The following IGSF9B variants were observed in gnomAD, a reference collection of about 807,000 sequenced individuals.
IGSF9B encodes the protein immunoglobulin superfamily member 9B.
A neutral mutation model predicts 143.7 loss-of-function variants in IGSF9B; 48 were observed. That is an observed-to-expected ratio of 0.33 (90% CI 0.26 to 0.42). The LOEUF is 0.42. Among genes scored for constraint, IGSF9B ranks in the 20% least tolerant of loss-of-function variants. The pLI is 1.00. For synonymous variants in IGSF9B, 903 were observed against 833.1 expected (o/e 1.08, Z -1.44); for missense variants, 1,706 against 1,980.0 (o/e 0.86, Z 2.63).
intron 3 of IGSF9B, among the ~76,000 whole-genome samples, chr11:133,938,957 T>C (rs534077002): frequency 6.6e-6 from 1 of 152,330 alleles, no homozygotes; most frequent in Non-Finnish European, 1.5e-5. Context: ...CAGTTGCCAG[T>C]ACCACCGCCA....
chr11:133,944,470 T>C (rs1202383458), intron 2 of IGSF9B, 104 bp from the exon 3 acceptor site: 5 of 1,198,848 alleles, frequency 4.2e-6, no homozygotes, highest in African/African-American at 3.0e-5. Context: ...ATAATCTTCA[T>C]ACCATTCCCT....
chr11:133,932,274 C>A, intron 7 of IGSF9B, 61 bp from the exon 8 acceptor site: 3 of 1,494,490 alleles, frequency 2.0e-6, no homozygotes, highest in Non-Finnish European at 2.7e-6. Flanking sequence ...GACAGACAGA[C>A]ACAGGGACAG....
At position 133,920,451 on chromosome 11, in the gene IGSF9B, G is replaced by A; in HGVS notation, c.3274C>T (p.Pro1092Ser). The A allele has an allele frequency of 6.4e-7, 1 of 1,566,208 alleles. No individual in the cohort carries two copies. The highest frequency in any genetic ancestry group is 1.8e-5 in the Admixed American group (1 of 54,510). ...GGTGCCTCCAGAGACAGGATGCCCG[G>A]GTAGGCCGCGGGCACCTGCAGGGAG... ...PTSLQVPAAYPGILSLEAPKG... is the reference protein window; with the variant it reads ...PTSLQVPAAYSGILSLEAPKG... The change falls in exon 18 of 20, where the codon CCG (proline) becomes TCG (serine). Residue 1092 changes from proline (P) to serine (S), a missense_variant. This residue lies in a region of IGSF9B where 880 missense variants were observed against 762.9 expected (regional missense o/e 1.15). Coordinates refer to ENST00000533871, the MANE Select transcript of IGSF9B (RefSeq NM_001277285.4).
In IGSF9B at chr11:133,908,923, A is replaced by T; in HGVS notation, c.*146T>A. 1.5e-6 allele frequency: 1 copy of T among 678,626 alleles called. No individual in the cohort carries two copies. The highest frequency in any genetic ancestry group is 2.5e-6 in the Non-Finnish European group (1 of 405,242). The allele number at this position is 678,626 out of a possible 1,614,324, so 42.0% of individuals were successfully genotyped here. A position where few individuals can be genotyped will look rare whatever the true frequency, so the allele number is the denominator to read the frequency against. ...AGACAGGCGGCCAGGATCTGGAGGG[A>T]GACACCCGCTCTGGCAAAAGAGGGG... On this transcript the variant is annotated 3_prime_UTR_variant, in exon 20 of 20. Transcript: ENST00000533871.
At chr11:133,936,011 T>C in intron 6 of IGSF9B, 42 bp downstream of exon 6, 1 of 1,603,458 alleles carries the variant, frequency 6.2e-7, no homozygotes, top group Non-Finnish European at 8.5e-7. Context: ...CCGTGGGGGC[T>C]GGGGTGGCAA....
At chr11:133,910,847 AAATGGGTTAAC>A (rs1368143513) in intron 19 of IGSF9B, among the ~76,000 whole-genome samples, 100 of 152,326 alleles carry the variant, frequency 6.6e-4, no homozygotes, top group African/African-American at 2.3e-3. Flanking sequence ...GATGGGTCTT[AAATGGGTTAAC>A]AATGGGCTTA....
In IGSF9B at chr11:133,945,994, G is replaced by C; in HGVS notation, c.262+67C>G. On this transcript the variant is annotated intron_variant, in intron 2 of 19. Transcript: ENST00000533871. The surrounding 1 kb of genome is among the most constrained non-coding windows in gnomAD (Gnocchi z 4.6). The stretch of plus-strand genomic sequence containing the variant: ...AGTGGTCAGGACAAGGCAGGGGCCA[G>C]AGGGGAACCACCGAGGAGCTGACTC... 8.8e-7 allele frequency: 1 copy of C among 1,136,418 alleles called. No homozygotes were observed. Among genetic ancestry groups the C allele is most frequent in the South Asian group, 1.5e-5 (1 of 65,010 alleles). The allele number at this position is 1,136,418 out of a possible 1,614,324, so 70.4% of individuals were successfully genotyped here.
In IGSF9B at chr11:133,927,216, G is replaced by A; in HGVS notation, c.1632-125C>T. 3 of 757,036 alleles carry A rather than the reference G, an allele frequency of 4.0e-6. No individual in the cohort carries two copies. The East Asian group carries it at 8.2e-5, about 21-fold the overall frequency. The allele number at this position is 757,036 out of a possible 1,614,324, so 46.9% of individuals were successfully genotyped here. On this transcript the variant is annotated intron_variant, in intron 12 of 19. Coordinates refer to ENST00000533871, the MANE Select transcript of IGSF9B (RefSeq NM_001277285.4). ...GGGCCTGGCGTTCCTAGGTTCAAGGGCAAGAAGAGGGCATGGCCCAGAGTG... is the reference window on the plus strand; with the variant it reads ...GGGCCTGGCGTTCCTAGGTTCAAGGACAAGAAGAGGGCATGGCCCAGAGTG...
At position 133,922,611 on chromosome 11, in the gene IGSF9B, A is replaced by G. The variant is rs1200922842; in HGVS notation, c.2239T>C (p.Phe747Leu). ...TTACGCTTGCGCTGCTTGTTGACAA[A>G]GCAGGCAGCCAGGGTGCTGAACAGG... ...AILFSTLAAC[F>L]VNKQRKRKLK... is the part of the protein sequence containing the mutation. Residue 747 changes from phenylalanine (F) to leucine (L), a missense_variant, in exon 16 of 20, where the codon TTT becomes CTT. By Grantham distance (22) the Phe-to-Leu change is conservative. Around this residue, in one of 7 missense-constraint regions of IGSF9B, gnomAD observed 135 missense variants for 181.3 expected, o/e 0.74. Coordinates refer to ENST00000533871, the MANE Select transcript of IGSF9B (RefSeq NM_001277285.4). 2 of 1,610,014 alleles carry G rather than the reference A, an allele frequency of 1.2e-6. No homozygotes were observed. The highest frequency in any genetic ancestry group is 1.7e-6 in the Non-Finnish European group (2 of 1,178,326).
intron 1 of IGSF9B, among the ~76,000 whole-genome samples, chr11:133,955,151 CG>C (rs1940227073): frequency 6.6e-6 from 1 of 152,032 alleles, no homozygotes; most frequent in Non-Finnish European, 1.5e-5. Flanking sequence ...GAGGAGGATG[CG>C]GGCATTGGAA....
intron 3 of IGSF9B, among the ~76,000 whole-genome samples, chr11:133,939,147 C>T (rs577243880): frequency 6.6e-6 from 1 of 152,358 alleles, no homozygotes; most frequent in South Asian, 2.1e-4. Flanking sequence ...CTTTGTCTTC[C>T]TCAAATGCAC....
At position 133,932,091 on chromosome 11, in the gene IGSF9B, G is replaced by A. The variant is rs1343851795; in HGVS notation, c.1090C>T (p.Arg364Cys). 1.2e-6 allele frequency: 2 copies of A among 1,613,652 alleles called. No homozygotes were observed. Among genetic ancestry groups the A allele is most frequent in the Non-Finnish European group, 1.7e-6 (2 of 1,179,670 alleles). The change falls in exon 8 of 20, where the codon CGT becomes TGT. Residue 364 changes from arginine to cysteine, a missense_variant. This residue lies in a region of IGSF9B where 238 missense variants were observed against 452.6 expected (regional missense o/e 0.53). Coordinates refer to ENST00000533871, the MANE Select transcript of IGSF9B (RefSeq NM_001277285.4). Reference protein sequence around the residue: ...ATVVKWNKDGRPLQVEKNLGW... With the variant: ...ATVVKWNKDGCPLQVEKNLGW... ...AGCACCTTCTCAACCTGCAGGGGAC[G>A]GCCGTCCTTGTTCCACTTGACCACG...
intron 13 of IGSF9B, 48 bp from the exon 14 acceptor site, chr11:133,926,013 G>A (rs1017445668): frequency 2.2e-6 from 3 of 1,348,682 alleles, no homozygotes; most frequent in Non-Finnish European, 3.1e-6. Flanking sequence ...CGAGGCCCAG[G>A]GCAGCCACCG....
At chr11:133,947,255 C>T (rs539874472) in intron 1 of IGSF9B, among the ~76,000 whole-genome samples, 4 of 152,356 alleles carry the variant, frequency 2.6e-5, no homozygotes, top group Admixed American at 6.5e-5. Context: ...CCTCCTCCCA[C>T]GCCAGGCTCC....
intron 3 of IGSF9B, among the ~76,000 whole-genome samples, chr11:133,939,903 T>C (rs1395339435): frequency 1.3e-3 from 112 of 86,162 alleles, no homozygotes; most frequent in Middle Eastern, 0.013. Context: ...TACAGAAACA[T>C]ACACCTTGCA....
intron 3 of IGSF9B, among the ~76,000 whole-genome samples, chr11:133,940,429 G>A (rs780102640): frequency 1.7e-4 from 24 of 142,836 alleles, no homozygotes; most frequent in Non-Finnish European, 2.7e-4. Context: ...GTCCTCGCAC[G>A]CGTCATCACA....
At chr11:133,940,555 C>T (rs1295885001) in intron 3 of IGSF9B, among the ~76,000 whole-genome samples, 6 of 139,768 alleles carry the variant, frequency 4.3e-5, no homozygotes, top group South Asian at 2.4e-4. Flanking sequence ...TGTCCTCGCA[C>T]GCGTCATCAC....
rs773237405 is a variant in IGSF9B, at chr11:133,932,092, G to A, written c.1089C>T (p.Gly363=). Residue 363 remains glycine (G), a synonymous_variant, in exon 8 of 20, where the codon GGC becomes GGT. Coordinates refer to ENST00000533871, the MANE Select transcript of IGSF9B (RefSeq NM_001277285.4). ...GCACCTTCTCAACCTGCAGGGGACG[G>A]CCGTCCTTGTTCCACTTGACCACGG... The part of the protein sequence containing the change: ...PATVVKWNKD[G]RPLQVEKNLG... 2 of 1,613,680 alleles carry A rather than the reference G, an allele frequency of 1.2e-6. No individual in the cohort carries two copies. The highest frequency in any genetic ancestry group is 1.7e-6 in the Non-Finnish European group (2 of 1,179,682).
intron 3 of IGSF9B, among the ~76,000 whole-genome samples, chr11:133,943,806 T>A (rs1320242409): frequency 6.6e-6 from 1 of 152,022 alleles, no homozygotes; most frequent in Non-Finnish European, 1.5e-5. Flanking sequence ...AAAACATCGA[T>A]CTAAAAAGAA....
Sources: gnomAD v4.1 joint callset for allele counts (sites outside exome capture counted in the v4.1 genomes callset) on GRCh38, gnomAD v4.1.1 for gene constraint, gnomAD v4.1.1 regional missense constraint, Gnocchi (gnomAD v3.1) non-coding constraint, MANE v1.5 for transcripts, NCBI Gene and HGNC (gene_info 2026-07-23, HGNC 2026-07-21) for gene names.